The following STK3 variants were observed in gnomAD, a reference collection of about 807,000 sequenced individuals.
STK3 encodes the protein serine/threonine kinase 3.
In STK3, 41 loss-of-function variants were observed where a neutral mutation model predicts 58.0. The ratio of observed to expected loss-of-function variants is 0.71; its 90% CI spans 0.55 to 0.92. The LOEUF is 0.92. STK3 is among the 40% of genes least tolerant of loss of function. The pLI is 0.00. For missense variants in STK3, 479 were observed against 602.7 expected (o/e 0.79, Z 2.15); for synonymous variants, 170 against 191.0 (o/e 0.89, Z 0.91).
chr8:98,344,664 C>T, the STK3 span, among the ~76,000 whole-genome samples: 6 of 151,896 alleles, frequency 4.0e-5, no homozygotes, highest in East Asian at 1.9e-4. Flanking sequence ...GAAGCCGAGG[C>T]GGGCGGATCA....
chr8:98,713,569 T>G (rs893021841), intron 4 of STK3, among the ~76,000 whole-genome samples: 1 of 152,090 alleles, frequency 6.6e-6, no homozygotes, highest in Non-Finnish European at 1.5e-5. Context: ...CTCCCAAGAC[T>G]AAACCAGGAA....
intron 1 of STK3, among the ~76,000 whole-genome samples, chr8:98,930,334 A>G (rs1050873149): frequency 6.6e-6 from 1 of 152,206 alleles, no homozygotes; most frequent in Non-Finnish European, 1.5e-5. Flanking sequence ...CCCAAACTCC[A>G]TTCCCTTCAC....
intron 6 of STK3, among the ~76,000 whole-genome samples, chr8:98,699,746 G>A (rs1257001826): frequency 6.6e-6 from 1 of 152,170 alleles, no homozygotes; most frequent in Non-Finnish European, 1.5e-5. Flanking sequence ...GGAGTACCCG[G>A]CCGTGTGAGG....
intron 10 of STK3, among the ~76,000 whole-genome samples, chr8:98,510,803 C>A (rs1364171484): frequency 1.3e-5 from 2 of 151,950 alleles, no homozygotes; most frequent in Non-Finnish European, 2.9e-5. Flanking sequence ...ACCTTAAAGC[C>A]TAACGGTGAC....
intron 10 of STK3, among the ~76,000 whole-genome samples, chr8:98,487,980 T>C (rs1396902620): frequency 6.6e-6 from 1 of 152,248 alleles, no homozygotes; most frequent in Non-Finnish European, 1.5e-5. Context: ...ATAACTATGA[T>C]CAAGAATTGG....
At chr8:98,838,558 G>A (rs1835837698) in intron 3 of STK3, among the ~76,000 whole-genome samples, 1 of 152,200 alleles carries the variant, frequency 6.6e-6, no homozygotes, top group Admixed American at 6.5e-5. Flanking sequence ...ATGCTTAGTA[G>A]ACAGAGAGAA....
chr8:98,924,927 G>T (rs530093544), intron 1 of STK3, among the ~76,000 whole-genome samples: 5 of 152,202 alleles, frequency 3.3e-5, no homozygotes, highest in African/African-American at 1.2e-4. Flanking sequence ...TGTAAGGCAC[G>T]GTATGGTACC....
chr8:98,480,511 G>A (rs368780086), intron 10 of STK3, among the ~76,000 whole-genome samples: 16 of 152,206 alleles, frequency 1.1e-4, no homozygotes, highest in African/African-American at 3.9e-4. Flanking sequence ...ATTGGAGGGG[G>A]AAGCATATCA....
intron 7 of STK3, 36 bp downstream of exon 7, chr8:98,595,996 A>T (rs1033455548): frequency 6.3e-7 from 1 of 1,595,594 alleles, no homozygotes; most frequent in African/African-American, 1.3e-5. Flanking sequence ...AAAGGTATGA[A>T]GAAAATATCC....
At chr8:98,512,317 G>C (rs1216513980) in intron 10 of STK3, among the ~76,000 whole-genome samples, 1 of 152,064 alleles carries the variant, frequency 6.6e-6, no homozygotes, top group Non-Finnish European at 1.5e-5. Context: ...GTAATTGATT[G>C]GTCTGAATTG....
intron 1 of STK3, among the ~76,000 whole-genome samples, chr8:98,787,628 T>C (rs866166889): frequency 1.3e-5 from 2 of 152,102 alleles, no homozygotes; most frequent in African/African-American, 2.4e-5. Flanking sequence ...AGACACACTG[T>C]CATCAAATTA....
intron 1 of STK3, among the ~76,000 whole-genome samples, chr8:98,913,090 A>C (rs1385443060): frequency 6.6e-6 from 1 of 151,804 alleles, no homozygotes; most frequent in Non-Finnish European, 1.5e-5. Context: ...GCTATTTTTG[A>C]AACTAAATTG....
chr8:98,776,136 ACT>A (rs1169089930), intron 1 of STK3, among the ~76,000 whole-genome samples: 8 of 151,448 alleles, frequency 5.3e-5, no homozygotes, highest in African/African-American at 1.9e-4. Context: ...CCCCAGAAAG[ACT>A]CTGACTACAG....
At chr8:98,592,899 G>T (rs1050838613) in intron 7 of STK3, among the ~76,000 whole-genome samples, 12 of 152,056 alleles carry the variant, frequency 7.9e-5, no homozygotes, top group Non-Finnish European at 1.3e-4. Flanking sequence ...AAATAGCTGG[G>T]ACTACAGACG....
chr8:98,424,564 T>C lies in STK3; in HGVS notation n.483+9563A>G, dbSNP rs190908164. Among the ~76,000 whole-genome samples the C allele has an allele frequency of 7.1e-4, 108 of 151,978 alleles. 1 individual carries two copies. The East Asian group carries it at 0.02, about 28-fold the overall frequency. Reference sequence around the variant, plus strand: ...GCCTGGTCTGCAGGTGGGGTGGCCGTGGGTGTGGAAGAAACAAAGAAAAAC... The same window carrying C: ...GCCTGGTCTGCAGGTGGGGTGGCCGCGGGTGTGGAAGAAACAAAGAAAAAC... On this transcript the variant is annotated intron_variant and non_coding_transcript_variant, in intron 3 of 3. Transcript: ENST00000517832.
intron 4 of STK3, among the ~76,000 whole-genome samples, chr8:98,741,550 G>GA (rs1163045700): frequency 2.0e-5 from 3 of 152,092 alleles, no homozygotes; most frequent in Admixed American, 2.0e-4. Context: ...AAACCAATGA[G>GA]AACAAAGACA....
chr8:98,775,998 T>C (rs1831653018), intron 1 of STK3, among the ~76,000 whole-genome samples: 1 of 152,200 alleles, frequency 6.6e-6, no homozygotes, highest in Non-Finnish European at 1.5e-5. Context: ...TTGTGGTGAA[T>C]AAAGCAACTG....
intron 1 of STK3, chr8:98,778,803 T>G (rs1831893795): frequency 6.6e-6 from 1 of 152,122 alleles, no homozygotes; most frequent in African/African-American, 2.4e-5. Flanking sequence ...CACCGCATGT[T>G]CTCACTCATA....
chr8:98,785,162 T>G (rs1832378573), intron 1 of STK3, among the ~76,000 whole-genome samples: 1 of 152,148 alleles, frequency 6.6e-6, no homozygotes, highest in South Asian at 2.1e-4. Context: ...TGAAGAGATC[T>G]GGGTACAGGC....
Sources: allele counts gnomAD v4.1 joint callset (sites outside exome capture counted in the v4.1 genomes callset), GRCh38; gene constraint gnomAD v4.1.1; transcripts MANE v1.5; gene names NCBI Gene and HGNC (gene_info 2026-07-23, HGNC 2026-07-21).